The following TIGIT variants were observed in gnomAD, a reference collection of about 807,000 sequenced individuals.
TIGIT encodes T cell immunoreceptor with Ig and ITIM domains.
A neutral mutation model predicts 19.6 loss-of-function variants in TIGIT; 11 were observed. That is an observed-to-expected ratio of 0.56 (90% CI 0.35 to 0.93). TIGIT has a LOEUF of 0.93. Among genes scored for constraint, TIGIT ranks in the 40% least tolerant of loss-of-function variants. The probability of loss-of-function intolerance (pLI) is 0.01; values close to 1 mark genes in which losing one functional copy is unlikely to be tolerated. For synonymous variants in TIGIT, 130 were observed against 125.5 expected (o/e 1.04, Z -0.24); for missense variants, 295 against 303.9 (o/e 0.97, Z 0.22).
chr3:114,296,289 A>G (rs1478632979), intron 2 of TIGIT, among the ~76,000 whole-genome samples: 1 of 152,264 alleles, frequency 6.6e-6, no homozygotes, highest in African/African-American at 2.4e-5. Flanking sequence ...AGCCTGTGCT[A>G]AGTTTAATTG....
intron 2 of TIGIT, 68 bp downstream of exon 2, chr3:114,295,942 A>C: frequency 2.4e-6 from 3 of 1,266,518 alleles, no homozygotes; most frequent in Non-Finnish European, 3.3e-6. Flanking sequence ...ATCCTGAAAC[A>C]CTGCACAGCA....
chr3:114,294,098 C>A lies in TIGIT; in HGVS notation c.37C>A (p.Leu13Met). 6.4e-7 allele frequency: 1 copy of A among 1,555,002 alleles called. No individual in the cohort carries two copies. The highest frequency in any genetic ancestry group is 2.0e-5 in the Admixed American group (1 of 51,256). The change falls in exon 1 of 4, where the codon CTG (leucine) becomes ATG (methionine). Residue 13 changes from leucine to methionine, a missense_variant. Transcript: ENST00000383671. ...TCTCCTCCTGATCTGGGCCCAGGGG[C>A]TGAGGCAGGCTCCCCTCGCCTCAGG... ...WCLLLIWAQG[L>M]RQAPLASGMM...
At chr3:114,298,390 C>T (rs1354935225) in intron 2 of TIGIT, among the ~76,000 whole-genome samples, 1 of 152,198 alleles carries the variant, frequency 6.6e-6, no homozygotes. Flanking sequence ...CTTCCCTAAA[C>T]CTCAACATGC....
intron 1 of TIGIT, among the ~76,000 whole-genome samples, chr3:114,295,324 G>C (rs538505855): frequency 9.2e-5 from 14 of 152,232 alleles, no homozygotes; most frequent in South Asian, 4.1e-4. Context: ...CAACCTGAAT[G>C]GGGGACTGGG....
At chr3:114,298,711 T>C (rs571323720) in intron 2 of TIGIT, among the ~76,000 whole-genome samples, 1 of 152,312 alleles carries the variant, frequency 6.6e-6, no homozygotes, top group South Asian at 2.1e-4. Context: ...ACCACCCTTG[T>C]CTTATGGATT....
intron 2 of TIGIT, among the ~76,000 whole-genome samples, chr3:114,298,501 T>C (rs2078469339): frequency 6.6e-6 from 1 of 152,162 alleles, no homozygotes; most frequent in Non-Finnish European, 1.5e-5. Flanking sequence ...CATATATCCT[T>C]TCCTGGTTTT....
intron 2 of TIGIT, 90 bp downstream of exon 2, chr3:114,295,964 T>G: frequency 7.4e-6 from 8 of 1,078,390 alleles, no homozygotes; most frequent in Admixed American, 5.2e-5. Context: ...GGCTTCTCAA[T>G]TCGGGATCAC....
intron 3 of TIGIT, among the ~76,000 whole-genome samples, chr3:114,305,274 G>T (rs1277148945): frequency 1.3e-5 from 2 of 152,032 alleles, no homozygotes; most frequent in Non-Finnish European, 2.9e-5. Context: ...CCAGTCATGG[G>T]GTTTGTGTTG....
chr3:114,299,577 C>T lies in TIGIT; in HGVS notation c.392-20C>T, dbSNP rs751360402. 6.3e-7 allele frequency: 1 copy of T among 1,589,988 alleles called. No homozygotes were observed. ...CACTTCTGGCTTCTGCCACTCATCTCTGTTTTGTCCTCCCTCTAGTGGCTG... is the reference window on the plus strand; with the variant it reads ...CACTTCTGGCTTCTGCCACTCATCTTTGTTTTGTCCTCCCTCTAGTGGCTG... On this transcript the variant is annotated intron_variant, in intron 2 of 3. Coordinates refer to ENST00000383671, the MANE Select transcript of TIGIT (RefSeq NM_173799.4).
chr3:114,300,060 C>T (rs2078482760), intron 3 of TIGIT, among the ~76,000 whole-genome samples: 1 of 152,138 alleles, frequency 6.6e-6, no homozygotes, highest in South Asian at 2.1e-4. Flanking sequence ...TGCACATTAG[C>T]TCTTTTGATT....
chr3:114,297,860 A>G (rs2078465588), intron 2 of TIGIT, among the ~76,000 whole-genome samples: 1 of 151,798 alleles, frequency 6.6e-6, no homozygotes, highest in South Asian at 2.1e-4. Flanking sequence ...GTATGTTTCC[A>G]CCCTTTTGCC....
chr3:114,297,730 T>C (rs2078464673), intron 2 of TIGIT, among the ~76,000 whole-genome samples: 1 of 152,114 alleles, frequency 6.6e-6, no homozygotes, highest in Non-Finnish European at 1.5e-5. Context: ...GCACGGCTAT[T>C]TCCCAGCCTG....
rs770552320 is a variant in TIGIT at position 114,295,533 on chromosome 3, C to G, written c.62-12C>G. 24 of 1,606,128 alleles carry G rather than the reference C, an allele frequency of 1.5e-5. No individual in the cohort carries two copies. The highest frequency in any genetic ancestry group is 3.3e-4 in the Middle Eastern group (2 of 6,008). ...GACCCAGGACTCACATGTGCTTCGT[C>G]CTCTTCCCTAGGAATGATGACAGGC... On this transcript the variant is annotated splice_polypyrimidine_tract_variant and intron_variant, in intron 1 of 3. Transcript: ENST00000383671.
intron 3 of TIGIT, 88 bp downstream of exon 3, chr3:114,299,791 G>T (rs1490306687): frequency 2.5e-6 from 2 of 805,702 alleles, no homozygotes; most frequent in South Asian, 3.0e-5. Flanking sequence ...CCCAGAGAGA[G>T]ACCCAGATGT....
rs138647186 is a variant in TIGIT, at chr3:114,295,693, T to C, written c.210T>C (p.Asn70=). ...EQQDQLLAIC[N]ADLGWHISPS... ...AGGACCAGCTTCTGGCCATTTGTAA[T>C]GCTGACTTGGGGTGGCACATCTCCC... The change falls in exon 2 of 4, where the codon AAT becomes AAC. Residue 70 remains asparagine (N), a synonymous_variant. Transcript: ENST00000383671. 1.1e-4 allele frequency: 172 copies of C among 1,614,212 alleles called. 1 individual carries two copies. The African/African-American group carries it at 1.8e-3, about 17-fold the overall frequency.
chr3:114,296,890 CTT>C (rs11289140), intron 2 of TIGIT, among the ~76,000 whole-genome samples: 5,700 of 112,698 alleles, frequency 0.051, 96 homozygotes, highest in South Asian at 0.086. Flanking sequence ...AATGTTACTT[CTT>C]TTTTTTTTTT....
chr3:114,303,567 ATATAT>A (rs2078508876), intron 3 of TIGIT, among the ~76,000 whole-genome samples: 1 of 6,098 alleles, frequency 1.6e-4, no homozygotes. Flanking sequence ...ATATATACAT[ATATAT>A]GTATATATAT....
At chr3:114,299,562 T>C (rs962636157) in intron 2 of TIGIT, 35 bp from the exon 3 acceptor site, 28 of 1,517,652 alleles carry the variant, frequency 1.8e-5, no homozygotes, top group Non-Finnish European at 2.6e-5. Context: ...CACTTCTGGC[T>C]TCTGCCACTC....
chr3:114,308,188 T>A lies in TIGIT; in HGVS notation c.*57T>A. The stretch of plus-strand genomic sequence containing the variant: ...TTGTCTTTGCTATTATAGATGAATA[T>A]ATAAGCAGCTGTACTCTCCATCAGT... On this transcript the variant is annotated 3_prime_UTR_variant, in exon 4 of 4. Transcript: ENST00000383671. The A allele has an allele frequency of 7.1e-7, 1 of 1,410,858 alleles. No individual in the cohort carries two copies. The highest frequency in any genetic ancestry group is 1.0e-6 in the Non-Finnish European group (1 of 1,003,890). The allele number at this position is 1,410,858 out of a possible 1,614,324, so 87.4% of individuals were successfully genotyped here.
Sources: gnomAD v4.1 joint callset for allele counts (sites outside exome capture counted in the v4.1 genomes callset) on GRCh38, gnomAD v4.1.1 for gene constraint, MANE v1.5 for transcripts, NCBI Gene and HGNC (gene_info 2026-07-23, HGNC 2026-07-21) for gene names.